Variants in KHNYN observed in about 807,000 individuals in gnomAD.
KHNYN encodes protein KHNYN.
Under a neutral mutation model 62.7 loss-of-function variants are expected in KHNYN, and 42 were observed. The observed-to-expected ratio is 0.67, with a 90% CI of 0.52 to 0.87. The LOEUF (loss-of-function observed/expected upper bound fraction) is 0.87. Among genes scored for constraint, KHNYN ranks in the 40% least tolerant of loss-of-function variants. The pLI is 0.00. For synonymous variants in KHNYN, 347 were observed against 345.6 expected, an observed-to-expected ratio of 1.00 and a Z score of -0.04; for missense variants, 829 against 874.1, an observed-to-expected ratio of 0.95 and a Z score of 0.65.
At chr14:24,428,317 A>C, upstream of KHNYN, 1 of 1,613,890 alleles carries the variant, frequency 6.2e-7, no homozygotes, top group Non-Finnish European at 8.5e-7. Flanking sequence ...CACCTTCACC[A>C]CATGGAACCG....
Position 24,440,195 on chromosome 14 carries a change from C to T in KHNYN, c.*2910C>T, listed in dbSNP as rs759354151. ...CTGGCCCTCCAGCAGCATGATGGCA[C>T]GCTGTCGCCCAAAGACAGCTTGCAC... On this transcript the variant is annotated 3_prime_UTR_variant, in exon 8 of 8. Transcript: ENST00000553935. The T allele has an allele frequency of 3.8e-5, 62 of 1,613,834 alleles. No homozygotes were observed. The highest frequency in any genetic ancestry group is 1.5e-4 in the Admixed American group (9 of 59,988).
chr14:24,435,082 AC>A (rs2139392228), intron 5 of KHNYN, among the ~76,000 whole-genome samples: 1 of 152,164 alleles, frequency 6.6e-6, no homozygotes, highest in East Asian at 1.9e-4. Context: ...CATGAGTCCT[AC>A]CCTGTCTTGT....
chr14:24,433,475 T>C (rs2043157760), intron 5 of KHNYN, among the ~76,000 whole-genome samples: 1 of 152,226 alleles, frequency 6.6e-6, no homozygotes, highest in African/African-American at 2.4e-5. Flanking sequence ...ATAATAGGAC[T>C]GTACAAAACA....
At chr14:24,427,306 A>C (rs1007880557), upstream of KHNYN, 5 of 183,140 alleles carry the variant, frequency 2.7e-5, no homozygotes, top group African/African-American at 1.2e-4. The surrounding 1 kb of genome is among the most constrained non-coding windows in gnomAD (Gnocchi z 4.4). Flanking sequence ...GTGCTGGTTC[A>C]GCTTCTGACG....
At position 24,437,628 on chromosome 14, in the gene KHNYN, G is replaced by C. The variant is rs2043227282; in HGVS notation, c.*343G>C. On this transcript the variant is annotated 3_prime_UTR_variant, in exon 8 of 8. Coordinates refer to ENST00000553935, the MANE Select transcript of KHNYN (RefSeq NM_015299.3). This position sits in a 1 kb window ranked among gnomAD's most constrained non-coding sequence, Gnocchi z 5.5. ...CTAGGGTGGAGGGCAGGGTGGGCAG[G>C]AAGTGACAGGAAGTTAAGCTGTTCC... 1 of 207,724 alleles carries C rather than the reference G, an allele frequency of 4.8e-6. No homozygotes were observed. The highest frequency in any genetic ancestry group is 9.8e-6 in the Non-Finnish European group (1 of 101,668). 12.9% of individuals were successfully genotyped at this position (207,724 alleles called of 1,614,324 possible).
upstream of KHNYN, chr14:24,427,111 T>A (rs182284136): frequency 6.6e-6 from 1 of 152,586 alleles, no homozygotes; most frequent in African/African-American, 2.4e-5. The surrounding 1 kb of genome is among the most constrained non-coding windows in gnomAD (Gnocchi z 4.4). Context: ...AGGGCCAGAG[T>A]CCATCTGGGA....
chr14:24,429,241 T>G, upstream of KHNYN: 1 of 699,300 alleles, frequency 1.4e-6, no homozygotes, highest in Non-Finnish European at 2.5e-6. Context: ...GTCACTGCAG[T>G]TCCCTCCTCC....
Position 24,432,160 on chromosome 14 carries a change from C to T in KHNYN, c.899C>T (p.Ala300Val). The change falls in exon 3 of 8, where the codon GCA becomes GTA. Residue 300 changes from alanine to valine, a missense_variant. This residue lies in a region of KHNYN where 559 missense variants were observed against 527.0 expected (regional missense o/e 1.06). Coordinates refer to ENST00000553935, the MANE Select transcript of KHNYN (RefSeq NM_015299.3). This position sits in a 1 kb window ranked among gnomAD's most constrained non-coding sequence, Gnocchi z 5.6. ...QSVGGGARES[A>V]PLKGKALGKE... Reference sequence around the variant, plus strand: ...GTGGGTGGAGGGGCAAGGGAGTCAGCACCCCTGAAAGGGAAGGCCCTGGGG... The same window carrying T: ...GTGGGTGGAGGGGCAAGGGAGTCAGTACCCCTGAAAGGGAAGGCCCTGGGG... 6.4e-7 allele frequency: 1 copy of T among 1,559,262 alleles called. No homozygotes were observed. Among genetic ancestry groups the T allele is most frequent in the Non-Finnish European group, 8.7e-7 (1 of 1,150,886 alleles).
upstream of KHNYN, among the ~76,000 whole-genome samples, chr14:24,425,017 TG>T (rs1222381211): frequency 2.0e-5 from 3 of 152,170 alleles, no homozygotes; most frequent in Non-Finnish European, 1.5e-5. Context: ...CTGGACAACA[TG>T]GCGAAACCCC....
At chr14:24,427,688 G>T, upstream of KHNYN, 1 of 1,073,392 alleles carries the variant, frequency 9.3e-7, no homozygotes, top group Non-Finnish European at 1.4e-6. The surrounding 1 kb of genome is among the most constrained non-coding windows in gnomAD (Gnocchi z 4.4). Flanking sequence ...TGGGATAGGA[G>T]CCAGAGGGAG....
chr14:24,435,571 C>T, intron 5 of KHNYN: 1 of 156,900 alleles, frequency 6.4e-6, no homozygotes. Context: ...AGGAAGGGAG[C>T]AGAGCACAAG....
upstream of KHNYN, chr14:24,428,666 C>A: frequency 1.4e-6 from 2 of 1,420,770 alleles, no homozygotes; most frequent in Non-Finnish European, 9.5e-7. Flanking sequence ...TTTCTTAAAG[C>A]CTCAGAGACA....
At position 24,440,319 on chromosome 14, in the gene KHNYN, TC is replaced by T. The variant is rs1238104685; in HGVS notation, c.*3035del. On this transcript the variant is annotated 3_prime_UTR_variant, in exon 8 of 8. Transcript: ENST00000553935. ...GTGGCGGAGGATGGAGCCACTCCAT[TC>T]AGGACCCCGTGCACGTGGTTTGCTT... The T allele has an allele frequency of 6.2e-7, 1 of 1,613,992 alleles. No individual in the cohort carries two copies. The highest frequency in any genetic ancestry group is 2.2e-5 in the East Asian group (1 of 44,878).
the KHNYN span, among the ~76,000 whole-genome samples, chr14:24,423,771 T>C: frequency 6.6e-6 from 1 of 152,228 alleles, no homozygotes; most frequent in Non-Finnish European, 1.5e-5. Context: ...GGGACTTCTC[T>C]GTAGGAATCA....
At chr14:24,428,310 C>T, upstream of KHNYN, 1 of 1,613,906 alleles carries the variant, frequency 6.2e-7, no homozygotes, top group Non-Finnish European at 8.5e-7. Flanking sequence ...GGTTGTACAC[C>T]TTCACCACAT....
intron 5 of KHNYN, among the ~76,000 whole-genome samples, chr14:24,433,745 G>T (rs1478218431): frequency 6.6e-6 from 1 of 152,202 alleles, no homozygotes; most frequent in African/African-American, 2.4e-5. Flanking sequence ...GTGGCAGCGG[G>T]TATATCTCCA....
intron 2 of KHNYN, 144 bp from the exon 3 acceptor site, chr14:24,431,319 G>A (rs2043107686): frequency 3.0e-6 from 2 of 664,844 alleles, no homozygotes; most frequent in East Asian, 5.6e-5. Context: ...TGTGATGGGA[G>A]TCTCAGTTTC....
Position 24,431,876 on chromosome 14 carries a change from A to G in KHNYN, c.615A>G (p.Ala205=), listed in dbSNP as rs540170795. The G allele has an allele frequency of 6.2e-7, 1 of 1,614,056 alleles. No individual in the cohort carries two copies. The highest frequency in any genetic ancestry group is 8.5e-7 in the Non-Finnish European group (1 of 1,180,024). ...QEASSGQGPG[A]LASWEGRSSA... ...CGTCTAGTGGGCAGGGGCCAGGAGCACTGGCTTCTTGGGAGGGGCGGAGCT... is the reference window on the plus strand; with the variant it reads ...CGTCTAGTGGGCAGGGGCCAGGAGCGCTGGCTTCTTGGGAGGGGCGGAGCT... Residue 205 remains alanine (A), a synonymous_variant, in exon 3 of 8, where the codon GCA becomes GCG. Coordinates refer to ENST00000553935, the MANE Select transcript of KHNYN (RefSeq NM_015299.3).
chr14:24,433,750 T>C (rs558245730), intron 5 of KHNYN, among the ~76,000 whole-genome samples: 1 of 152,324 alleles, frequency 6.6e-6, no homozygotes, highest in African/African-American at 2.4e-5. Flanking sequence ...AGCGGGTATA[T>C]CTCCAATCTA....
Sources: gnomAD v4.1 joint callset for allele counts (sites outside exome capture counted in the v4.1 genomes callset) on GRCh38, gnomAD v4.1.1 for gene constraint, gnomAD v4.1.1 regional missense constraint, Gnocchi (gnomAD v3.1) non-coding constraint, MANE v1.5 for transcripts, NCBI Gene and HGNC (gene_info 2026-07-23, HGNC 2026-07-21) for gene names.